HMCN2: variants seen among roughly 807,000 people sequenced by gnomAD.
The protein encoded by HMCN2 is hemicentin 2.
In HMCN2, 325 loss-of-function variants were observed where a neutral mutation model predicts 377.5. The ratio of observed to expected loss-of-function variants is 0.86; its 90% CI spans 0.79 to 0.94. HMCN2 has a LOEUF of 0.94. Ranked by LOEUF, HMCN2 falls within the 40% of genes least tolerant of loss-of-function variation. The probability of loss-of-function intolerance (pLI) is 0.00; values close to 1 mark genes in which losing one functional copy is unlikely to be tolerated. For synonymous variants in HMCN2, 2,007 were observed against 2,046.8 expected (o/e 0.98, Z 0.53); for missense variants, 4,543 against 4,725.3 (o/e 0.96, Z 1.13).
intron 2 of HMCN2, 22 bp downstream of exon 2, chr9:130,284,695 G>T (rs1554926964): frequency 2.1e-6 from 1 of 471,024 alleles, no homozygotes. Context: ...CTGACCCTCT[G>T]TCCCACTCTT....
chr9:130,394,098 G>C lies in HMCN2; in HGVS notation c.10501+90G>C. On this transcript the variant is annotated intron_variant, in intron 68 of 97. Coordinates refer to ENST00000683500, the MANE Select transcript of HMCN2 (RefSeq NM_001291815.2). This position sits in a 1 kb window ranked among gnomAD's most constrained non-coding sequence, Gnocchi z 5.1. Reference sequence around the variant, plus strand: ...ATGGGAAGGACAGTGAGGGAGGTGAGTCCCCTGGAGACCTGGGACTGCCAC... The same window carrying C: ...ATGGGAAGGACAGTGAGGGAGGTGACTCCCCTGGAGACCTGGGACTGCCAC... 4.4e-6 allele frequency: 5 copies of C among 1,132,090 alleles called. No individual in the cohort carries two copies. The highest frequency in any genetic ancestry group is 1.6e-5 in the African/African-American group (1 of 61,254). The allele number at this position is 1,132,090 out of a possible 1,614,324, so 70.1% of individuals were successfully genotyped here.
intron 25 of HMCN2, among the ~76,000 whole-genome samples, chr9:130,345,046 G>C (rs1052912641): frequency 6.6e-6 from 1 of 151,770 alleles, no homozygotes; most frequent in South Asian, 2.1e-4. Flanking sequence ...ATGGTGTTTG[G>C]TGTGTATGTT....
chr9:130,351,323 G>A lies in HMCN2; in HGVS notation c.4431-100G>A, dbSNP rs1019613380. On this transcript the variant is annotated intron_variant, in intron 29 of 97. Transcript: ENST00000683500. The surrounding 1 kb of genome is among the most constrained non-coding windows in gnomAD (Gnocchi z 5.4). ...TCCCACCTCTTGGCGCTAATGAATGGCCCAGCCTCGCTTTTTACAAGCCAC... is the reference window on the plus strand; with the variant it reads ...TCCCACCTCTTGGCGCTAATGAATGACCCAGCCTCGCTTTTTACAAGCCAC... The A allele has an allele frequency of 2.1e-6, 2 of 965,116 alleles. No homozygotes were observed. The highest frequency in any genetic ancestry group is 3.3e-5 in the Admixed American group (1 of 30,412). The allele number at this position is 965,116 out of a possible 1,614,324, so 59.8% of individuals were successfully genotyped here. A position where few individuals can be genotyped will look rare whatever the true frequency, so the allele number is the denominator to read the frequency against.
At chr9:130,275,571 T>C (rs1554922757) in intron 1 of HMCN2, among the ~76,000 whole-genome samples, 1 of 152,188 alleles carries the variant, frequency 6.6e-6, no homozygotes, top group African/African-American at 2.4e-5. Context: ...TGCCTCAGCC[T>C]CCTGAGTAGC....
chr9:130,430,063 C>T (rs969409669), intron 94 of HMCN2: 5 of 608,480 alleles, frequency 8.2e-6, no homozygotes, highest in Admixed American at 6.0e-5. Context: ...TGGGACGAGG[C>T]TGAGAGCTGG....
chr9:130,408,953 C>G lies in HMCN2; in HGVS notation c.12879+20C>G. On this transcript the variant is annotated intron_variant, in intron 84 of 97. Transcript: ENST00000683500. Reference sequence around the variant, plus strand: ...ACTGAGGCAAGGCGGGGCCTGGCACCTTGGGTGGGGCCACTGAGGACAACT... The same window carrying G: ...ACTGAGGCAAGGCGGGGCCTGGCACGTTGGGTGGGGCCACTGAGGACAACT... 7.8e-7 allele frequency: 1 copy of G among 1,282,080 alleles called. No individual in the cohort carries two copies. The highest frequency in any genetic ancestry group is 1.0e-6 in the Non-Finnish European group (1 of 984,200). The allele number at this position is 1,282,080 out of a possible 1,614,324, so 79.4% of individuals were successfully genotyped here. A position where few individuals can be genotyped will look rare whatever the true frequency, so the allele number is the denominator to read the frequency against.
chr9:130,432,633 G>C, intron 97 of HMCN2, 78 bp downstream of exon 97: 1 of 1,438,530 alleles, frequency 7.0e-7, no homozygotes, highest in Non-Finnish European at 9.4e-7. Flanking sequence ...GGCTGGCCCT[G>C]TCATTGTCAC....
At chr9:130,427,438 C>G in intron 91 of HMCN2, 59 bp from the exon 92 acceptor site, 1 of 1,550,340 alleles carries the variant, frequency 6.5e-7, no homozygotes, top group Non-Finnish European at 8.7e-7. Flanking sequence ...GATGGCTTCT[C>G]CCAGCCAGCT....
chr9:130,418,746 C>T (rs1296017924), intron 85 of HMCN2, 26 bp from the exon 86 acceptor site: 6 of 1,386,624 alleles, frequency 4.3e-6, no homozygotes, highest in Middle Eastern at 3.8e-4. Context: ...TTAAATGTTC[C>T]TAAAAGCCAC....
chr9:130,273,498 C>T lies in HMCN2; in HGVS notation c.259+7361C>T, dbSNP rs553937742. ...TGATGGCTGCAGTTATCTTGTCTTGCTTTTTTTTTTTATTTTTGAGACTGA... is the reference window on the plus strand; with the variant it reads ...TGATGGCTGCAGTTATCTTGTCTTGTTTTTTTTTTTTATTTTTGAGACTGA... On this transcript the variant is annotated intron_variant, in intron 1 of 97. Coordinates refer to ENST00000683500, the MANE Select transcript of HMCN2 (RefSeq NM_001291815.2). Among the ~76,000 whole-genome samples the T allele has an allele frequency of 2.7e-5, 4 of 147,010 alleles. No homozygotes were observed. In the South Asian group the frequency reaches 6.5e-4, roughly 24 times the overall value.
At chr9:130,290,872 A>C (rs1835712792) in intron 4 of HMCN2, among the ~76,000 whole-genome samples, 2 of 152,026 alleles carry the variant, frequency 1.3e-5, no homozygotes, top group Non-Finnish European at 2.9e-5. Flanking sequence ...GAAAAAAAAA[A>C]AAAAAAAACA....
chr9:130,294,671 G>A (rs1410489272), intron 4 of HMCN2, among the ~76,000 whole-genome samples, 184 bp from the exon 5 acceptor site: 1 of 152,186 alleles, frequency 6.6e-6, no homozygotes, highest in East Asian at 1.9e-4. Context: ...CTCAATTCAG[G>A]CTTCACAGCT....
In HMCN2 at chr9:130,394,586, C is replaced by A. The variant is rs750782157; in HGVS notation, c.10692+11C>A. On this transcript the variant is annotated intron_variant, in intron 69 of 97. Transcript: ENST00000683500. This position sits in a 1 kb window ranked among gnomAD's most constrained non-coding sequence, Gnocchi z 5.1. ...GTGGAGAATGTGCAGGTACCAGTGC[C>A]GCCGCCATGGGGCGAGGCTGGGGGT... The A allele has an allele frequency of 2.3e-6, 3 of 1,276,948 alleles. No individual in the cohort carries two copies. In the African/African-American group the frequency reaches 4.6e-5, roughly 19 times the overall value. 79.1% of individuals were successfully genotyped at this position (1,276,948 alleles called of 1,614,324 possible).
intron 1 of HMCN2, among the ~76,000 whole-genome samples, chr9:130,277,265 T>G (rs973921138): frequency 5.3e-5 from 8 of 152,216 alleles, no homozygotes; most frequent in African/African-American, 1.9e-4. Flanking sequence ...GGAGCCAAGG[T>G]CACGGGTTTA....
rs1233166338 is a variant in HMCN2, at chr9:130,394,249, C to A, written c.10502-136C>A. On this transcript the variant is annotated intron_variant, in intron 68 of 97. Coordinates refer to ENST00000683500, the MANE Select transcript of HMCN2 (RefSeq NM_001291815.2). The surrounding 1 kb of genome is among the most constrained non-coding windows in gnomAD (Gnocchi z 5.1). ...GTGCTCCTGGTTTCTTTCCACCAAA[C>A]CTTGGTGGCAGATGCAAGAACAAGG... The A allele has an allele frequency of 1.7e-6, 1 of 591,992 alleles. No individual in the cohort carries two copies. Among genetic ancestry groups the A allele is most frequent in the Admixed American group, 3.5e-5 (1 of 28,980 alleles). 36.7% of individuals were successfully genotyped at this position (591,992 alleles called of 1,614,324 possible). A position where few individuals can be genotyped will look rare whatever the true frequency, so the allele number is the denominator to read the frequency against.
intron 1 of HMCN2, among the ~76,000 whole-genome samples, chr9:130,267,440 A>G (rs1834172263): frequency 3.7e-5 from 1 of 27,344 alleles, no homozygotes; most frequent in Non-Finnish European, 8.5e-5. Context: ...AATAAAACAC[A>G]CACACACACA....
intron 1 of HMCN2, among the ~76,000 whole-genome samples, chr9:130,270,291 GT>G (rs1257016426): frequency 3.1e-5 from 2 of 64,968 alleles, no homozygotes; most frequent in Admixed American, 1.6e-4. Context: ...TTGTTTGTTT[GT>G]TTGTTTTTTT....
chr9:130,363,847 GAA>G lies in HMCN2; in HGVS notation c.6232+861_6232+862del, dbSNP rs1454239332. ...AAAAAAAAAAAAAGAAAGAAAGAGA[GAA>G]AAAGAGAGAGAGAGAGAAGGAAGGA... On this transcript the variant is annotated intron_variant, in intron 40 of 97. Transcript: ENST00000683500. 1.5e-3 allele frequency among the ~76,000 whole-genome samples: 218 copies of G among 143,844 alleles called. 1 individual carries two copies. Among genetic ancestry groups the G allele is most frequent in the African/African-American group, 5.4e-3 (210 of 39,102 alleles). 94.4% of individuals were successfully genotyped at this position (143,844 alleles called of 152,430 possible).
At chr9:130,433,032 C>A in intron 97 of HMCN2, 1 of 410,726 alleles carries the variant, frequency 2.4e-6, no homozygotes, top group South Asian at 6.1e-5. Flanking sequence ...CAGGGCAAAT[C>A]CAGACTGGGT....
Sources: allele counts gnomAD v4.1 joint callset (sites outside exome capture counted in the v4.1 genomes callset), GRCh38; gene constraint gnomAD v4.1.1; non-coding constraint Gnocchi (gnomAD v3.1); transcripts MANE v1.5; gene names NCBI Gene and HGNC (gene_info 2026-07-23, HGNC 2026-07-21).